CNTN6: variants seen among roughly 807,000 people sequenced by gnomAD.
CNTN6 encodes the protein contactin 6.
In CNTN6, 137 loss-of-function variants were observed where a neutral mutation model predicts 122.8. The ratio of observed to expected loss-of-function variants is 1.12; its 90% CI spans 0.97 to 1.29. The LOEUF (loss-of-function observed/expected upper bound fraction) is 1.29, where lower values mean the gene tolerates loss of function less well. Ranked by LOEUF, CNTN6 falls within the 50% of genes most tolerant of loss-of-function variation. The pLI is 0.00. For missense variants in CNTN6, 1,634 were observed against 1,223.4 expected (o/e 1.34, Z -5.01); for synonymous variants, 570 against 426.0 (o/e 1.34, Z -4.16).
At chr3:1,107,632 A>G (rs1450146150) in intron 1 of CNTN6, among the ~76,000 whole-genome samples, 2 of 152,124 alleles carry the variant, frequency 1.3e-5, no homozygotes, top group East Asian at 3.9e-4. Flanking sequence ...ACAGTTTATT[A>G]ATGTTTGACC....
intron 7 of CNTN6, among the ~76,000 whole-genome samples, chr3:1,314,843 T>A (rs1282591445): frequency 6.6e-6 from 1 of 152,058 alleles, no homozygotes; most frequent in Non-Finnish European, 1.5e-5. Context: ...TCAGGCAACC[T>A]TCATTTAGAA....
intron 1 of CNTN6, among the ~76,000 whole-genome samples, chr3:1,137,687 G>A (rs534151757): frequency 6.6e-6 from 1 of 152,244 alleles, no homozygotes; most frequent in Admixed American, 6.5e-5. Flanking sequence ...AACCTCATGA[G>A]GTAGATGCTA....
chr3:1,320,918 G>A (rs568658738), intron 7 of CNTN6, among the ~76,000 whole-genome samples: 8 of 151,680 alleles, frequency 5.3e-5, no homozygotes, highest in African/African-American at 7.2e-5. Context: ...GAAAGTAGAC[G>A]AAATTAATAT....
intron 20 of CNTN6, among the ~76,000 whole-genome samples, chr3:1,389,175 T>C (rs1335359072): frequency 6.7e-6 from 1 of 150,200 alleles, no homozygotes; most frequent in Admixed American, 6.7e-5. Context: ...AAGGTCGGGT[T>C]ACCCTCAAAG....
At chr3:1,244,303 G>A (rs916469691) in intron 4 of CNTN6, among the ~76,000 whole-genome samples, 7 of 152,166 alleles carry the variant, frequency 4.6e-5, no homozygotes, top group Admixed American at 3.3e-4. Flanking sequence ...GACACGGAGG[G>A]AAGGGGTTTG....
At chr3:1,240,726 AAAG>A (rs1344539414) in intron 4 of CNTN6, among the ~76,000 whole-genome samples, 2 of 152,090 alleles carry the variant, frequency 1.3e-5, no homozygotes, top group African/African-American at 2.4e-5. Context: ...AAAAGAAAAA[AAAG>A]AAAAAAATTT....
At chr3:1,272,255 T>C (rs545812282) in intron 4 of CNTN6, among the ~76,000 whole-genome samples, 6 of 152,306 alleles carry the variant, frequency 3.9e-5, no homozygotes, top group African/African-American at 1.4e-4. Context: ...AATTGACTAA[T>C]ACTCAAACTC....
intron 2 of CNTN6, among the ~76,000 whole-genome samples, chr3:1,163,497 G>C (rs1384035885): frequency 1.3e-5 from 2 of 152,048 alleles, no homozygotes; most frequent in Non-Finnish European, 2.9e-5. Flanking sequence ...CTACAGCCTC[G>C]AACCCCTGGG....
chr3:1,154,448 CT>C (rs771133835), intron 2 of CNTN6, among the ~76,000 whole-genome samples: 195 of 140,258 alleles, frequency 1.4e-3, no homozygotes, highest in South Asian at 6.8e-3. Context: ...TCTTTTCTTT[CT>C]TTTTTTTTTT....
intron 2 of CNTN6, among the ~76,000 whole-genome samples, chr3:1,199,315 G>A (rs188781389): frequency 6.6e-6 from 1 of 151,706 alleles, no homozygotes; most frequent in African/African-American, 2.4e-5. Context: ...TAGTAGCTGG[G>A]ACTACAGGTG....
chr3:1,158,977 T>C (rs1366975846), intron 2 of CNTN6, among the ~76,000 whole-genome samples: 2 of 142,628 alleles, frequency 1.4e-5, no homozygotes, highest in African/African-American at 5.4e-5. Flanking sequence ...CACATATATA[T>C]ATATATAGAC....
chr3:1,308,708 A>C (rs1006150307), intron 7 of CNTN6, among the ~76,000 whole-genome samples: 17 of 152,058 alleles, frequency 1.1e-4, no homozygotes, highest in African/African-American at 3.9e-4. Context: ...TTTCCACTCC[A>C]CACAGTGCTG....
intron 1 of CNTN6, among the ~76,000 whole-genome samples, chr3:1,146,308 G>A (rs899995167): frequency 5.9e-5 from 9 of 151,880 alleles, no homozygotes; most frequent in Non-Finnish European, 8.8e-5. Flanking sequence ...ATATCAAACC[G>A]GACTTTCTCA....
At chr3:1,353,023 A>G (rs1468539612) in intron 12 of CNTN6, among the ~76,000 whole-genome samples, 2 of 151,722 alleles carry the variant, frequency 1.3e-5, no homozygotes, top group African/African-American at 4.8e-5. Context: ...TAAATTCTAT[A>G]CTTTACTTTT....
intron 22 of CNTN6, chr3:1,402,748 ATCAC>A (rs1307622362): frequency 1.2e-5 from 4 of 329,588 alleles, no homozygotes; most frequent in Admixed American, 4.4e-5. Flanking sequence ...GCATAATTGT[ATCAC>A]TCATTCTATT....
chr3:1,383,415 C>T lies in CNTN6; in HGVS notation c.2517+7C>T, dbSNP rs756319596. ...AAGAGTGCTGGGCTATGAGGTAATCCACATTAATTTCACTTTTGCTTATGA... is the reference window on the plus strand; with the variant it reads ...AAGAGTGCTGGGCTATGAGGTAATCTACATTAATTTCACTTTTGCTTATGA... On this transcript the variant is annotated splice_region_variant and intron_variant, in intron 19 of 22. Transcript: ENST00000446702. 7 of 1,607,360 alleles carry T rather than the reference C, an allele frequency of 4.4e-6. No individual in the cohort carries two copies. The highest frequency in any genetic ancestry group is 2.6e-6 in the Non-Finnish European group (3 of 1,174,094).
chr3:1,400,714 G>A (rs1465728644), intron 20 of CNTN6, among the ~76,000 whole-genome samples: 1 of 152,072 alleles, frequency 6.6e-6, no homozygotes, highest in Non-Finnish European at 1.5e-5. Context: ...ACTCAAACTT[G>A]GACTATCTCT....
intron 1 of CNTN6, among the ~76,000 whole-genome samples, chr3:1,106,958 G>T (rs1004001475): frequency 6.6e-6 from 1 of 151,996 alleles, no homozygotes; most frequent in Non-Finnish European, 1.5e-5. Context: ...AACGAATAGT[G>T]CCACATTATC....
chr3:1,124,826 C>T (rs563932000), intron 1 of CNTN6, among the ~76,000 whole-genome samples: 3 of 152,022 alleles, frequency 2.0e-5, no homozygotes, highest in South Asian at 2.1e-4. Flanking sequence ...AAATGAGTTA[C>T]TTGTGCTGCA....
Sources: allele counts gnomAD v4.1 joint callset (sites outside exome capture counted in the v4.1 genomes callset), GRCh38; gene constraint gnomAD v4.1.1; transcripts MANE v1.5; gene names NCBI Gene and HGNC (gene_info 2026-07-23, HGNC 2026-07-21).